OSBPL1A: variants seen among roughly 807,000 people sequenced by gnomAD.
OSBPL1A encodes the protein oxysterol binding protein like 1A, also known as oxysterol-binding protein-related protein 1.
Under a neutral mutation model 137.1 loss-of-function variants are expected in OSBPL1A, and 80 were observed. The ratio of observed to expected loss-of-function variants is 0.58; its 90% CI spans 0.49 to 0.70. The LOEUF is 0.70. Ranked by LOEUF, OSBPL1A falls within the 30% of genes least tolerant of loss-of-function variation. The pLI is 0.00. For missense variants in OSBPL1A, 970 were observed against 1,129.4 expected, an observed-to-expected ratio of 0.86 and a Z score of 2.02; for synonymous variants, 365 against 389.7, an observed-to-expected ratio of 0.94 and a Z score of 0.75.
chr18:24,377,473 C>A lies in OSBPL1A; in HGVS notation c.61G>T (p.Val21Leu). The A allele has an allele frequency of 6.2e-7, 1 of 1,612,584 alleles. No individual in the cohort carries two copies. The highest frequency in any genetic ancestry group is 8.5e-7 in the Non-Finnish European group (1 of 1,179,720). ...GCCATGGTCTCTAATAGTTGTCTTA[C>A]TTCTTCAGCATTGCCATTTCTGGCG... ...HHARNGNAEE[V>L]RQLLETMARN... Residue 21 changes from valine to leucine, a missense_variant, in exon 2 of 28, where the codon GTA becomes TTA. Transcript: ENST00000319481.
chr18:24,193,923 G>A (rs145884510), intron 18 of OSBPL1A, among the ~76,000 whole-genome samples: 2 of 152,142 alleles, frequency 1.3e-5, no homozygotes, highest in Non-Finnish European at 1.5e-5. Flanking sequence ...AAGTAAAACC[G>A]CATTCTAGAG....
chr18:24,296,281 AC>A (rs1396643065), intron 14 of OSBPL1A, among the ~76,000 whole-genome samples: 1 of 152,032 alleles, frequency 6.6e-6, no homozygotes, highest in Non-Finnish European at 1.5e-5. Flanking sequence ...AAAGGGATTG[AC>A]TTCTTGATTT....
chr18:24,322,696 G>T (rs2090888467), intron 7 of OSBPL1A, among the ~76,000 whole-genome samples: 1 of 151,972 alleles, frequency 6.6e-6, no homozygotes, highest in Non-Finnish European at 1.5e-5. Context: ...TTCTTTCATA[G>T]AATTCTGCCC....
intron 4 of OSBPL1A, among the ~76,000 whole-genome samples, chr18:24,344,778 A>G (rs887382079): frequency 2.1e-4 from 32 of 151,972 alleles, no homozygotes; most frequent in African/African-American, 7.0e-4. Flanking sequence ...GTTGAGGGGG[A>G]AAGTTTCAAA....
chr18:24,353,987 C>T (rs2091490027), intron 4 of OSBPL1A, among the ~76,000 whole-genome samples: 2 of 151,504 alleles, frequency 1.3e-5, no homozygotes, highest in South Asian at 4.2e-4. Context: ...TTAATGGGTG[C>T]AGCACACCAA....
In OSBPL1A at chr18:24,181,145, C is replaced by T; in HGVS notation, c.1812G>A (p.Gln604=). Residue 604 remains glutamine, a splice_region_variant and synonymous_variant, in exon 19 of 28, where the codon CAG becomes CAA. Coordinates refer to ENST00000319481, the MANE Select transcript of OSBPL1A (RefSeq NM_080597.4). The part of the protein sequence containing the change: ...SSLSDPVERM[Q]CVAAFAVSAV... ...GACCTTTTCCTCCCTTGGCTCATACCTGCATCCTTTCCACAGGATCAGAGA... is the reference window on the plus strand; with the variant it reads ...GACCTTTTCCTCCCTTGGCTCATACTTGCATCCTTTCCACAGGATCAGAGA... 6.2e-7 allele frequency: 1 copy of T among 1,613,722 alleles called. No individual in the cohort carries two copies. Among genetic ancestry groups the T allele is most frequent in the Non-Finnish European group, 8.5e-7 (1 of 1,179,864 alleles).
At chr18:24,170,043 C>A (rs1054846858) in intron 24 of OSBPL1A, among the ~76,000 whole-genome samples, 1 of 152,194 alleles carries the variant, frequency 6.6e-6, no homozygotes, top group African/African-American at 2.4e-5. Flanking sequence ...GAAAATGTTT[C>A]ATTAAGATGA....
chr18:24,341,832 G>C lies in OSBPL1A; in HGVS notation c.283-174C>G, dbSNP rs2091279022. On this transcript the variant is annotated intron_variant, in intron 4 of 27. Transcript: ENST00000319481. Reference sequence around the variant, plus strand: ...GATTCAACTAATTGTGATAATACTTGACAACTGCCTAAACAATTGCCAATC... The same window carrying C: ...GATTCAACTAATTGTGATAATACTTCACAACTGCCTAAACAATTGCCAATC... Among the ~76,000 whole-genome samples the C allele has an allele frequency of 2.6e-5, 4 of 152,244 alleles. No homozygotes were observed. In the South Asian group the frequency reaches 8.3e-4, roughly 32 times the overall value.
chr18:24,392,183 A>T (rs530465644), intron 1 of OSBPL1A, among the ~76,000 whole-genome samples: 196 of 150,376 alleles, frequency 1.3e-3, no homozygotes, highest in Middle Eastern at 3.4e-3. Context: ...TATTTTTGAG[A>T]TGGAGTTTCA....
intron 4 of OSBPL1A, among the ~76,000 whole-genome samples, chr18:24,365,025 C>CAAAAA (rs56400717): frequency 6.2e-4 from 56 of 89,628 alleles, no homozygotes; most frequent in South Asian, 8.0e-4. Flanking sequence ...AAAACAACAA[C>CAAAAA]AAAAAAAAAA....
intron 14 of OSBPL1A, among the ~76,000 whole-genome samples, chr18:24,301,696 A>G (rs1409857061): frequency 6.6e-6 from 1 of 152,250 alleles, no homozygotes; most frequent in Admixed American, 6.5e-5. Flanking sequence ...GCTAAGTAAT[A>G]TAATACTCCA....
chr18:24,360,123 C>G (rs1223380083), intron 4 of OSBPL1A, among the ~76,000 whole-genome samples: 1 of 152,074 alleles, frequency 6.6e-6, no homozygotes, highest in African/African-American at 2.4e-5. Context: ...TACCCGACAC[C>G]AGGCCCAGCT....
rs1397756064 is a variant in OSBPL1A, at chr18:24,323,543, T to C, written c.626-4734A>G. Among the ~76,000 whole-genome samples the C allele has an allele frequency of 1.8e-4, 10 of 55,376 alleles. 3 individuals carry two copies. The highest frequency in any genetic ancestry group is 1.0e-3 in the Admixed American group (9 of 8,678). 36.3% of individuals were successfully genotyped at this position (55,376 alleles called of 152,430 possible). On this transcript the variant is annotated intron_variant, in intron 7 of 27. Transcript: ENST00000319481. ...CCAGCCAGGGTGAGGCTTTTTCTTT[T>C]TTTTTTTTTTTTTTTTTTATTATAC...
intron 13 of OSBPL1A, among the ~76,000 whole-genome samples, chr18:24,310,940 C>T (rs1435911538): frequency 6.6e-6 from 1 of 152,050 alleles, no homozygotes; most frequent in African/African-American, 2.4e-5. Context: ...TACTTAAATG[C>T]TGTAGTAGAT....
intron 16 of OSBPL1A, among the ~76,000 whole-genome samples, chr18:24,230,024 A>G (rs756097546): frequency 6.6e-6 from 1 of 152,266 alleles, no homozygotes; most frequent in Non-Finnish European, 1.5e-5. Flanking sequence ...TGCTGGGATT[A>G]CAGGCATGGG....
intron 15 of OSBPL1A, among the ~76,000 whole-genome samples, chr18:24,279,201 A>G (rs900253690): frequency 6.6e-6 from 1 of 150,834 alleles, no homozygotes; most frequent in African/African-American, 2.4e-5. Flanking sequence ...GATGGCTTGC[A>G]TCTAGGAGTT....
At chr18:24,188,749 A>C (rs1392369824) in intron 18 of OSBPL1A, among the ~76,000 whole-genome samples, 2 of 152,210 alleles carry the variant, frequency 1.3e-5, no homozygotes, top group African/African-American at 4.8e-5. Context: ...ATTTTTAAAT[A>C]ATCTTACAAT....
rs79504888 is a variant in OSBPL1A, at chr18:24,288,452, G to A, written c.1175-7504C>T. ...CTAACTATTCTGTGGAATATTCCAT[G>A]GAGGTAAATGAAGGAATATAAGAGT... On this transcript the variant is annotated intron_variant, in intron 14 of 27. Transcript: ENST00000319481. 3.6e-3 allele frequency among the ~76,000 whole-genome samples: 550 copies of A among 152,320 alleles called. 2 individuals carry two copies. The highest frequency in any genetic ancestry group is 4.9e-3 in the Non-Finnish European group (333 of 68,024).
At chr18:24,366,741 T>A in intron 4 of OSBPL1A, 151 bp downstream of exon 4, 1 of 584,084 alleles carries the variant, frequency 1.7e-6, no homozygotes, top group Non-Finnish European at 2.9e-6. Context: ...GACTCAAAGA[T>A]CCTGTGGCCT....
Sources: allele counts gnomAD v4.1 joint callset (sites outside exome capture counted in the v4.1 genomes callset), GRCh38; gene constraint gnomAD v4.1.1; transcripts MANE v1.5; gene names NCBI Gene and HGNC (gene_info 2026-07-23, HGNC 2026-07-21).